The following MTF1 variants were observed in gnomAD, a reference collection of about 807,000 sequenced individuals.
MTF1 encodes the protein metal regulatory transcription factor 1.
In MTF1, 22 loss-of-function variants were observed where a neutral mutation model predicts 70.4. The observed-to-expected ratio is 0.31, with a 90% CI of 0.22 to 0.45. The LOEUF is 0.45. Ranked by LOEUF, MTF1 falls within the 20% of genes least tolerant of loss-of-function variation. The probability of loss-of-function intolerance (pLI) is 1.00; values close to 1 mark genes in which losing one functional copy is unlikely to be tolerated. For synonymous variants in MTF1, 333 were observed against 352.8 expected, an observed-to-expected ratio of 0.94 and a Z score of 0.63; for missense variants, 649 against 922.0, an observed-to-expected ratio of 0.70 and a Z score of 3.83.
Position 37,814,939 on chromosome 1 carries a change from GTTT to G in MTF1, c.*194_*196del. 1.8e-6 allele frequency: 1 copy of G among 558,780 alleles called. No individual in the cohort carries two copies. Among genetic ancestry groups the G allele is most frequent in the South Asian group, 2.6e-5 (1 of 37,800 alleles). The allele number at this position is 558,780 out of a possible 1,614,324, so 34.6% of individuals were successfully genotyped here. On this transcript the variant is annotated 3_prime_UTR_variant, in exon 11 of 11. Coordinates refer to ENST00000373036, the MANE Select transcript of MTF1 (RefSeq NM_005955.3). The stretch of plus-strand genomic sequence containing the variant: ...CTTAGCTTTTTTTGTTGTTTTTTTT[GTTT>G]TTTGTTTTTTTCCAAAGAATAGTTC...
intron 9 of MTF1, among the ~76,000 whole-genome samples, chr1:37,817,962 G>A (rs939207554): frequency 2.6e-5 from 4 of 152,226 alleles, no homozygotes; most frequent in Admixed American, 2.0e-4. Flanking sequence ...TAAAGGCCTT[G>A]TGCTGTAAGG....
chr1:37,819,635 C>T (rs190942990), intron 9 of MTF1, among the ~76,000 whole-genome samples: 4 of 151,386 alleles, frequency 2.6e-5, no homozygotes, highest in East Asian at 2.0e-4. Context: ...CTTCTGGCTA[C>T]GTTATAGCAG....
At chr1:37,818,471 G>A (rs1459146829) in intron 9 of MTF1, among the ~76,000 whole-genome samples, 2 of 151,996 alleles carry the variant, frequency 1.3e-5, no homozygotes, top group Admixed American at 6.6e-5. Context: ...TTGGGAAGCC[G>A]AGGCGGGTGA....
At chr1:37,847,402 T>G (rs1641349733) in intron 2 of MTF1, among the ~76,000 whole-genome samples, 1 of 152,182 alleles carries the variant, frequency 6.6e-6, no homozygotes, top group Non-Finnish European at 1.5e-5. Flanking sequence ...TGTTATAGGA[T>G]TGCTAAGAAA....
chr1:37,810,858 G>A lies in MTF1; in HGVS notation c.*4278C>T, dbSNP rs903810786. 1 of 152,236 alleles carries A rather than the reference G, an allele frequency of 6.6e-6. No homozygotes were observed. 9.4% of individuals were successfully genotyped at this position (152,236 alleles called of 1,614,324 possible). ...TTATAGGATTTAATGAAGGCTGGAG[G>A]CCTTTTTGCTTAAGGAACCAACACA... is the stretch of plus-strand genomic sequence containing the variant. On this transcript the variant is annotated 3_prime_UTR_variant, in exon 11 of 11. Transcript: ENST00000373036.
rs997258427 is a variant in MTF1, at chr1:37,839,917, G to A, written c.647+3C>T. ...CTGGCAGAGCATTGGAGACGAGACT[G>A]ACCTGTACAGTGTGTTGAATGCCTT... On this transcript the variant is annotated splice_donor_region_variant and intron_variant, in intron 3 of 10. Coordinates refer to ENST00000373036, the MANE Select transcript of MTF1 (RefSeq NM_005955.3). 1 of 1,611,718 alleles carries A rather than the reference G, an allele frequency of 6.2e-7. No homozygotes were observed.
chr1:37,814,753 C>T lies in MTF1; in HGVS notation c.*383G>A, dbSNP rs546132716. The T allele has an allele frequency of 1.5e-4, 31 of 204,034 alleles. No individual in the cohort carries two copies. Among genetic ancestry groups the T allele is most frequent in the Middle Eastern group, 4.2e-3 (2 of 476 alleles). 12.6% of individuals were successfully genotyped at this position (204,034 alleles called of 1,614,324 possible). On this transcript the variant is annotated 3_prime_UTR_variant, in exon 11 of 11. Transcript: ENST00000373036. Reference sequence around the variant, plus strand: ...ACCCAACACACTGAAAACTCCTGCCCGATCCACAAAGACCCCAGTGCAAGC... The same window carrying T: ...ACCCAACACACTGAAAACTCCTGCCTGATCCACAAAGACCCCAGTGCAAGC...
intron 2 of MTF1, among the ~76,000 whole-genome samples, 185 bp downstream of exon 2, chr1:37,857,066 T>C (rs1377001474): frequency 6.6e-6 from 1 of 152,242 alleles, no homozygotes; most frequent in Non-Finnish European, 1.5e-5. Flanking sequence ...AATTTCAATG[T>C]GGCTATACAA....
intron 2 of MTF1, among the ~76,000 whole-genome samples, chr1:37,853,702 C>G (rs1288220321): frequency 6.6e-6 from 1 of 152,180 alleles, no homozygotes; most frequent in East Asian, 1.9e-4. Context: ...TTCTTTAAGA[C>G]CAGCTCAAAC....
intron 4 of MTF1, among the ~76,000 whole-genome samples, chr1:37,836,134 T>G (rs1641166387): frequency 6.6e-6 from 1 of 152,022 alleles, no homozygotes. Flanking sequence ...CTAAAACAAA[T>G]ATTCAGAACA....
At chr1:37,851,130 C>T (rs1019407400) in intron 2 of MTF1, among the ~76,000 whole-genome samples, 1 of 152,158 alleles carries the variant, frequency 6.6e-6, no homozygotes, top group African/African-American at 2.4e-5. Flanking sequence ...AGGCAAGCCT[C>T]CTGAATGTCT....
intron 6 of MTF1, chr1:37,834,752 T>C (rs2148410675): frequency 2.0e-6 from 1 of 500,746 alleles, no homozygotes; most frequent in African/African-American, 1.9e-5. Context: ...TGCTGGCGGA[T>C]GTGGAGTGTG....
rs987124802 is a variant in MTF1, at chr1:37,817,329, G to A, written c.1831+90C>T. 3.4e-5 allele frequency: 28 copies of A among 822,116 alleles called. No homozygotes were observed. In the African/African-American group the frequency reaches 4.7e-4, roughly 14 times the overall value. 50.9% of individuals were successfully genotyped at this position (822,116 alleles called of 1,614,324 possible). A position where few individuals can be genotyped will look rare whatever the true frequency, so the allele number is the denominator to read the frequency against. On this transcript the variant is annotated intron_variant, in intron 10 of 10. Coordinates refer to ENST00000373036, the MANE Select transcript of MTF1 (RefSeq NM_005955.3). ...CTGAGGCTGTTTAAAGATTTTTAAA[G>A]TTTTAGAAACTGGGACAAAGCAATA...
chr1:37,817,947 C>A (rs1376268139), intron 9 of MTF1, among the ~76,000 whole-genome samples: 1 of 152,206 alleles, frequency 6.6e-6, no homozygotes, highest in East Asian at 1.9e-4. Context: ...AGGTAGACAG[C>A]CCTGTAAAGG....
Position 37,815,464 on chromosome 1 carries a change from C to A in MTF1, c.1934G>T (p.Arg645Leu). Reference protein sequence around the residue: ...QCACRDSAKERASSRRKGCSS... With the variant: ...QCACRDSAKELASSRRKGCSS... ...GCAGCCCTTTCTCCTGCTGGATGCC[C>A]GCTCCTTTGCAGAGTCCCGGCATGC... The change falls in exon 11 of 11, where the codon CGG (arginine) becomes CTG (leucine). Residue 645 changes from arginine (R) to leucine (L), a missense_variant. This residue lies in a region of MTF1 where 138 missense variants were observed against 134.4 expected (regional missense o/e 1.03). Coordinates refer to ENST00000373036, the MANE Select transcript of MTF1 (RefSeq NM_005955.3). This position sits in a 1 kb window ranked among gnomAD's most constrained non-coding sequence, Gnocchi z 4.5. 1 of 1,604,048 alleles carries A rather than the reference C, an allele frequency of 6.2e-7. No homozygotes were observed. Among genetic ancestry groups the A allele is most frequent in the Non-Finnish European group, 8.5e-7 (1 of 1,174,910 alleles).
At chr1:37,819,023 GA>G (rs1640868100) in intron 9 of MTF1, among the ~76,000 whole-genome samples, 1 of 151,712 alleles carries the variant, frequency 6.6e-6, no homozygotes, top group Non-Finnish European at 1.5e-5. Context: ...AAGAGGAAGA[GA>G]GGCCCGAGCT....
chr1:37,833,611 C>T (rs1641120804), intron 6 of MTF1, among the ~76,000 whole-genome samples: 1 of 152,138 alleles, frequency 6.6e-6, no homozygotes, highest in South Asian at 2.1e-4. Flanking sequence ...ACAAACTAAA[C>T]TCCTCCCCAC....
At position 37,822,401 on chromosome 1, in the gene MTF1, A is replaced by G; in HGVS notation, c.1487T>C (p.Val496Ala). The G allele has an allele frequency of 6.2e-7, 1 of 1,614,184 alleles. No individual in the cohort carries two copies. Among genetic ancestry groups the G allele is most frequent in the Non-Finnish European group, 8.5e-7 (1 of 1,180,024 alleles). ...CCCAGCAACAACAGAAAGTCCTGGTACAATGGGCTGCGGTGCCTGGGGGTG... is the reference window on the plus strand; with the variant it reads ...CCCAGCAACAACAGAAAGTCCTGGTGCAATGGGCTGCGGTGCCTGGGGGTG... The part of the protein sequence containing the change: ...LPHPQAPQPI[V>A]PGLSVVAGAS... The change falls in exon 9 of 11, where the codon GTA (valine) becomes GCA (alanine). Residue 496 changes from valine to alanine, a missense_variant. Around this residue, in one of 7 missense-constraint regions of MTF1, gnomAD observed 267 missense variants for 292.1 expected, o/e 0.91. Transcript: ENST00000373036.
rs1228077370 is a variant in MTF1, at chr1:37,813,728, A to G, written c.*1408T>C. On this transcript the variant is annotated 3_prime_UTR_variant, in exon 11 of 11. Coordinates refer to ENST00000373036, the MANE Select transcript of MTF1 (RefSeq NM_005955.3). ...TCTGAGCTCGGTGAGTTTGGTCAGC[A>G]CTCATGACTATGTTAATATAGCCTG... is the stretch of plus-strand genomic sequence containing the variant. The G allele has an allele frequency of 6.6e-6, 1 of 152,298 alleles. No homozygotes were observed. Among genetic ancestry groups the G allele is most frequent in the Non-Finnish European group, 1.5e-5 (1 of 68,052 alleles). 9.4% of individuals were successfully genotyped at this position (152,298 alleles called of 1,614,324 possible).
Sources: gnomAD v4.1 joint callset for allele counts (sites outside exome capture counted in the v4.1 genomes callset) on GRCh38, gnomAD v4.1.1 for gene constraint, gnomAD v4.1.1 regional missense constraint, Gnocchi (gnomAD v3.1) non-coding constraint, MANE v1.5 for transcripts, NCBI Gene and HGNC (gene_info 2026-07-23, HGNC 2026-07-21) for gene names.